Variants in FGD3 observed in about 807,000 individuals in gnomAD.
The protein encoded by FGD3 is FYVE, RhoGEF and PH domain-containing protein 3.
Under a neutral mutation model 71.8 loss-of-function variants are expected in FGD3, and 45 were observed. That is an observed-to-expected ratio of 0.63 (90% CI 0.49 to 0.80). FGD3 has a LOEUF of 0.80. Among genes scored for constraint, FGD3 ranks in the 30% least tolerant of loss-of-function variants. FGD3 has a pLI of 0.00. For missense variants in FGD3, 844 were observed against 951.5 expected (o/e 0.89, Z 1.49); for synonymous variants, 378 against 392.8 (o/e 0.96, Z 0.44).
At chr9:93,032,974 T>C in intron 16 of FGD3, 101 bp downstream of exon 16, 1 of 1,142,390 alleles carries the variant, frequency 8.8e-7, no homozygotes, top group Non-Finnish European at 1.3e-6. Context: ...GCTTTCGGAG[T>C]GTCCCTGGGA....
At chr9:92,984,292 G>T (rs1860108834) in intron 3 of FGD3, among the ~76,000 whole-genome samples, 1 of 152,182 alleles carries the variant, frequency 6.6e-6, no homozygotes, top group South Asian at 2.1e-4. Context: ...TTTGGGACAA[G>T]AATTTACCAT....
In FGD3 at chr9:92,973,106, A is replaced by ATTT. The variant is rs59046376; in HGVS notation, c.-217-2108_-217-2106dup. Among the ~76,000 whole-genome samples, 362 of 87,148 alleles carry ATTT rather than the reference A, an allele frequency of 4.2e-3. 24 individuals carry two copies. The highest frequency in any genetic ancestry group is 0.017 in the African/African-American group (323 of 19,450). The allele number at this position is 87,148 out of a possible 152,430, so 57.2% of individuals were successfully genotyped here. ...GTTATAGTCCCTTTTATGCCTGGTA[A>ATTT]TTTTTTTTTTTTTTTTTTTTTTTTT... On this transcript the variant is annotated intron_variant, in intron 1 of 17. Coordinates refer to ENST00000375482, the MANE Select transcript of FGD3 (RefSeq NM_001083536.2).
At chr9:92,959,343 A>G (rs1375318000) in intron 1 of FGD3, among the ~76,000 whole-genome samples, 1 of 152,032 alleles carries the variant, frequency 6.6e-6, no homozygotes, top group Non-Finnish European at 1.5e-5. Flanking sequence ...AAATATAATT[A>G]CTATAGTAAG....
chr9:92,977,151 C>G (rs981598517), intron 3 of FGD3, among the ~76,000 whole-genome samples: 1 of 152,188 alleles, frequency 6.6e-6, no homozygotes, highest in Non-Finnish European at 1.5e-5. Context: ...TGGCCAGCGT[C>G]ACCTATGGGG....
chr9:93,013,707 C>T (rs754481416), intron 8 of FGD3, 145 bp from the exon 9 acceptor site: 17 of 941,598 alleles, frequency 1.8e-5, no homozygotes, highest in Non-Finnish European at 2.3e-5. Context: ...ACTCAAACAT[C>T]ACTCTGTTTT....
At chr9:92,956,802 C>T (rs1390749407) in intron 1 of FGD3, among the ~76,000 whole-genome samples, 11 of 150,860 alleles carry the variant, frequency 7.3e-5, no homozygotes, top group Admixed American at 7.3e-4. Context: ...TCTTTTGTGT[C>T]TGGCTTTGAG....
intron 14 of FGD3, among the ~76,000 whole-genome samples, chr9:93,028,456 A>C (rs994808506): frequency 1.7e-4 from 26 of 152,174 alleles, no homozygotes; most frequent in African/African-American, 5.5e-4. Context: ...AACTCGATAC[A>C]TATCTTTGCC....
intron 3 of FGD3, among the ~76,000 whole-genome samples, chr9:92,993,629 T>C (rs1265516308): frequency 6.6e-6 from 1 of 152,148 alleles, no homozygotes; most frequent in Non-Finnish European, 1.5e-5. Flanking sequence ...CCTTACCCCA[T>C]GACAGGCCCT....
intron 3 of FGD3, among the ~76,000 whole-genome samples, chr9:92,977,572 G>A (rs765034342): frequency 7.9e-5 from 12 of 152,130 alleles, no homozygotes; most frequent in African/African-American, 1.9e-4. Context: ...TGGCGGAGAC[G>A]AGGCCAGGGC....
chr9:93,034,771 G>T, intron 17 of FGD3, 90 bp downstream of exon 17: 5 of 1,415,134 alleles, frequency 3.5e-6, no homozygotes, highest in Non-Finnish European at 4.7e-6. Context: ...CACCAGCTGG[G>T]GTCCACCTGC....
At chr9:92,995,066 G>A (rs1860578053) in intron 3 of FGD3, among the ~76,000 whole-genome samples, 1 of 152,164 alleles carries the variant, frequency 6.6e-6, no homozygotes. Flanking sequence ...ACCTTGGTCA[G>A]TATGGCCATT....
intron 1 of FGD3, chr9:92,964,212 C>G (rs1283932324): frequency 6.6e-6 from 1 of 152,312 alleles, no homozygotes; most frequent in African/African-American, 2.4e-5. Context: ...CCAAGCTCCT[C>G]TCACCCAGCG....
At chr9:92,997,359 A>T (rs1465796768) in intron 3 of FGD3, among the ~76,000 whole-genome samples, 1 of 152,042 alleles carries the variant, frequency 6.6e-6, no homozygotes, top group Non-Finnish European at 1.5e-5. Flanking sequence ...TTTTGAGCCT[A>T]TGTGTGTCTC....
At chr9:93,012,761 A>G (rs1256053899) in intron 8 of FGD3, among the ~76,000 whole-genome samples, 3 of 151,950 alleles carry the variant, frequency 2.0e-5, no homozygotes, top group Admixed American at 6.6e-5. Context: ...GGAAGTGTCA[A>G]TGCTCAGTGT....
intron 8 of FGD3, among the ~76,000 whole-genome samples, chr9:93,012,783 A>G (rs1488071532): frequency 6.6e-6 from 1 of 152,000 alleles, no homozygotes; most frequent in Non-Finnish European, 1.5e-5. Context: ...ATTGTCATTC[A>G]TTCACTCACT....
At chr9:92,995,745 G>T (rs879398477) in intron 3 of FGD3, among the ~76,000 whole-genome samples, 37 of 152,166 alleles carry the variant, frequency 2.4e-4, no homozygotes, top group Non-Finnish European at 4.6e-4. Context: ...TGTGGTTTTT[G>T]TCTTTGGTTC....
At chr9:93,011,742 G>C (rs1223130075) in intron 8 of FGD3, among the ~76,000 whole-genome samples, 1 of 151,816 alleles carries the variant, frequency 6.6e-6, no homozygotes, top group African/African-American at 2.4e-5. Flanking sequence ...TGTAGTCCCA[G>C]TTACTTGGGA....
chr9:92,997,573 G>A (rs1025832409), intron 3 of FGD3, among the ~76,000 whole-genome samples: 2 of 152,136 alleles, frequency 1.3e-5, no homozygotes, highest in African/African-American at 4.8e-5. Flanking sequence ...TAGCATTGAT[G>A]GTCTTTATAA....
intron 17 of FGD3, 106 bp from the exon 18 acceptor site, chr9:93,035,230 TGC>T: frequency 6.9e-7 from 1 of 1,454,026 alleles, no homozygotes. Context: ...GCACCTGCCT[TGC>T]GTTGCAAGGG....
Sources: allele counts gnomAD v4.1 joint callset (sites outside exome capture counted in the v4.1 genomes callset), GRCh38; gene constraint gnomAD v4.1.1; transcripts MANE v1.5; gene names NCBI Gene and HGNC (gene_info 2026-07-23, HGNC 2026-07-21).